The following MERTK variants were observed in gnomAD, a reference collection of about 807,000 sequenced individuals.
The protein encoded by MERTK is MER proto-oncogene, tyrosine kinase.
A neutral mutation model predicts 99.3 loss-of-function variants in MERTK; 69 were observed. The ratio of observed to expected loss-of-function variants is 0.70; its 90% confidence interval spans 0.57 to 0.85. The LOEUF is 0.85. Among genes scored for constraint, MERTK ranks in the 40% least tolerant of loss-of-function variants. MERTK has a pLI of 0.00. For missense variants in MERTK, 1,125 were observed against 1,249.4 expected (o/e 0.90, Z 1.50); for synonymous variants, 426 against 467.6 (o/e 0.91, Z 1.15).
chr2:111,953,593 T>C (rs1335002848), intron 4 of MERTK, among the ~76,000 whole-genome samples: 1 of 152,150 alleles, frequency 6.6e-6, no homozygotes, highest in African/African-American at 2.4e-5. Context: ...TTTTTTGTTT[T>C]GAGATGCAGT....
In MERTK at chr2:112,009,753, A is replaced by T. The variant is rs1677055820; in HGVS notation, c.1961-195A>T. ...CAGCCCTCATGCCCTCATTAATCTG[A>T]AAGGGGGAAAAATACCAGTAGTGGA... On this transcript the variant is annotated intron_variant, in intron 14 of 18. Transcript: ENST00000295408. Among the ~76,000 whole-genome samples the T allele has an allele frequency of 2.0e-5, 3 of 152,310 alleles. No individual in the cohort carries two copies. The South Asian group carries it at 6.2e-4, about 32-fold the overall frequency.
intron 18 of MERTK, among the ~76,000 whole-genome samples, chr2:112,024,207 A>G (rs899259574): frequency 6.6e-6 from 1 of 152,226 alleles, no homozygotes; most frequent in African/African-American, 2.4e-5. Flanking sequence ...CATTTCAGTC[A>G]AACAATGTTG....
intron 18 of MERTK, chr2:112,022,649 C>T: frequency 1.4e-6 from 1 of 716,196 alleles, no homozygotes. Flanking sequence ...CAGGCACGGT[C>T]AAGACAAGGC....
rs56346356 is a variant in MERTK, at chr2:112,019,015, GAC to G, written c.2080-379_2080-378del. 4.2e-3 allele frequency among the ~76,000 whole-genome samples: 631 copies of G among 150,782 alleles called. 5 individuals carry two copies. Among genetic ancestry groups the G allele is most frequent in the African/African-American group, 0.015 (603 of 41,064 alleles). On this transcript the variant is annotated intron_variant, in intron 15 of 18. Coordinates refer to ENST00000295408, the MANE Select transcript of MERTK (RefSeq NM_006343.3). ...TTCCCCTCCGAAACATTAGACCCCT[GAC>G]ACACACACACACACACACCTCGCCG...
chr2:111,907,624 C>T (rs17174870), intron 1 of MERTK, among the ~76,000 whole-genome samples: 36,619 of 152,168 alleles, frequency 0.24, 4,769 homozygotes, highest in South Asian at 0.32. Context: ...GAGGGATGGA[C>T]TAAGCTTTTT....
intron 1 of MERTK, among the ~76,000 whole-genome samples, chr2:111,925,292 A>ATATATATT (rs372747015): frequency 1.2e-4 from 3 of 24,502 alleles, no homozygotes; most frequent in African/African-American, 2.9e-4. Context: ...ATATATATAT[A>ATATATATT]TTTTTTTTTT....
chr2:111,939,948 G>C (rs1486966008), intron 2 of MERTK, among the ~76,000 whole-genome samples: 1 of 151,836 alleles, frequency 6.6e-6, no homozygotes, highest in Non-Finnish European at 1.5e-5. Context: ...TATTTATTTA[G>C]GAGATGCCTG....
At chr2:111,956,230 T>C (rs1330195148) in intron 4 of MERTK, among the ~76,000 whole-genome samples, 2 of 152,184 alleles carry the variant, frequency 1.3e-5, no homozygotes, top group Non-Finnish European at 2.9e-5. Context: ...ATAGGGATAA[T>C]AGCAGTGTCT....
At chr2:111,942,403 C>G (rs182284084) in intron 2 of MERTK, among the ~76,000 whole-genome samples, 13 of 152,342 alleles carry the variant, frequency 8.5e-5, no homozygotes, top group African/African-American at 2.9e-4. Flanking sequence ...CGCTCAACCA[C>G]TAGTCATTGC....
At chr2:112,018,091 A>AGG (rs1558809264) in intron 15 of MERTK, among the ~76,000 whole-genome samples, 1 of 152,222 alleles carries the variant, frequency 6.6e-6, no homozygotes, top group African/African-American at 2.4e-5. Context: ...GGAGGAGGAG[A>AGG]AGAAAGAATT....
intron 4 of MERTK, among the ~76,000 whole-genome samples, chr2:111,957,412 C>T (rs1202207959): frequency 6.6e-6 from 1 of 152,082 alleles, no homozygotes; most frequent in African/African-American, 2.4e-5. Context: ...TGGCCCATTT[C>T]CTCACTCCTA....
chr2:112,018,291 G>A (rs1044758205), intron 15 of MERTK, among the ~76,000 whole-genome samples: 2 of 152,124 alleles, frequency 1.3e-5, no homozygotes, highest in South Asian at 4.1e-4. Context: ...CAGCACAAAT[G>A]AATAGTACCT....
intron 2 of MERTK, among the ~76,000 whole-genome samples, chr2:111,934,970 A>G (rs968456253): frequency 8.5e-5 from 13 of 152,084 alleles, no homozygotes; most frequent in African/African-American, 2.9e-4. Flanking sequence ...GTTACTCCTC[A>G]CACCTTCCAT....
chr2:112,003,806 C>T (rs1235489055), intron 12 of MERTK, 98 bp from the exon 13 acceptor site: 4 of 1,142,524 alleles, frequency 3.5e-6, no homozygotes, highest in African/African-American at 3.1e-5. Context: ...GTGAGTTGCT[C>T]TCATACCACA....
At position 111,994,308 on chromosome 2, in the gene MERTK, G is replaced by C. The variant is rs34010621; in HGVS notation, c.1354G>C (p.Val452Leu). 1.2e-6 allele frequency: 2 copies of C among 1,614,224 alleles called. No individual in the cohort carries two copies. Among genetic ancestry groups the C allele is most frequent in the East Asian group, 4.5e-5 (2 of 44,884 alleles). ...NGSRARISVQ[V>L]HNATCTVRIA... is the part of the protein sequence containing the mutation. ...CAGCCGAGCTCGGATCTCTGTTCAA[G>C]TCCACAATGCTACGTGCACAGTGAG... Residue 452 changes from valine (V) to leucine (L), a missense_variant, in exon 9 of 19, where the codon GTC (valine) becomes CTC (leucine). Coordinates refer to ENST00000295408, the MANE Select transcript of MERTK (RefSeq NM_006343.3).
chr2:111,994,568 A>C, intron 9 of MERTK, 164 bp downstream of exon 9: 3 of 909,166 alleles, frequency 3.3e-6, no homozygotes, highest in Non-Finnish European at 1.8e-6. Flanking sequence ...TTTGAGAACA[A>C]CCTGGGCAAT....
chr2:111,953,725 A>G (rs1161102255), intron 4 of MERTK, among the ~76,000 whole-genome samples: 1 of 152,068 alleles, frequency 6.6e-6, no homozygotes, highest in Non-Finnish European at 1.5e-5. Flanking sequence ...ACAGGCACCC[A>G]CTATCATGCC....
intron 8 of MERTK, among the ~76,000 whole-genome samples, chr2:111,983,813 CG>C (rs1676419822): frequency 6.6e-6 from 1 of 152,160 alleles, no homozygotes; most frequent in South Asian, 2.1e-4. Flanking sequence ...CAGCATGGCT[CG>C]GGGTTGGGGA....
chr2:112,019,589 A>G, intron 16 of MERTK, 67 bp downstream of exon 16: 1 of 1,189,354 alleles, frequency 8.4e-7, no homozygotes, highest in Non-Finnish European at 1.3e-6. Context: ...AGGGTTAGTG[A>G]GAGGACCTGT....
Sources: allele counts gnomAD v4.1 joint callset (sites outside exome capture counted in the v4.1 genomes callset), GRCh38; gene constraint gnomAD v4.1.1; transcripts MANE v1.5; gene names NCBI Gene and HGNC (gene_info 2026-07-23, HGNC 2026-07-21).